COL13A1: variants seen among roughly 807,000 people sequenced by gnomAD.
The protein encoded by COL13A1 is collagen type XIII alpha 1 chain.
A neutral mutation model predicts 130.9 loss-of-function variants in COL13A1; 89 were observed. The observed-to-expected ratio is 0.68, with a 90% CI of 0.57 to 0.81. COL13A1 has a LOEUF of 0.81. Among genes scored for constraint, COL13A1 ranks in the 30% least tolerant of loss-of-function variants. The pLI is 0.00. For synonymous variants in COL13A1, 402 were observed against 341.6 expected (o/e 1.18, Z -1.95); for missense variants, 879 against 934.6 (o/e 0.94, Z 0.78).
intron 1 of COL13A1, among the ~76,000 whole-genome samples, chr10:69,819,345 C>G (rs954053755): frequency 6.6e-5 from 10 of 152,190 alleles, no homozygotes; most frequent in Middle Eastern, 3.2e-3. Context: ...CCCAAGGGAA[C>G]AGTCTCCAAA....
At chr10:69,892,504 G>T (rs1003249011) in intron 10 of COL13A1, among the ~76,000 whole-genome samples, 1 of 152,194 alleles carries the variant, frequency 6.6e-6, no homozygotes, top group African/African-American at 2.4e-5. Context: ...TGACATAAGG[G>T]CTGTAAAGCA....
intron 2 of COL13A1, among the ~76,000 whole-genome samples, chr10:69,824,984 C>A (rs1343451829): frequency 6.6e-6 from 1 of 152,184 alleles, no homozygotes; most frequent in Non-Finnish European, 1.5e-5. Flanking sequence ...TGGGCTGGGT[C>A]CTGCTGGGTC....
intron 19 of COL13A1, 135 bp downstream of exon 19, chr10:69,918,452 T>C: frequency 1.2e-6 from 1 of 837,950 alleles, no homozygotes; most frequent in African/African-American, 1.7e-5. Flanking sequence ...AACATTTTTC[T>C]CAAAGTAACA....
intron 2 of COL13A1, among the ~76,000 whole-genome samples, chr10:69,843,644 C>T (rs1852208076): frequency 6.6e-6 from 1 of 152,110 alleles, no homozygotes; most frequent in South Asian, 2.1e-4. Context: ...AATGAGAAGG[C>T]TTGTTCTATG....
intron 7 of COL13A1, among the ~76,000 whole-genome samples, chr10:69,881,540 G>A (rs1159931488): frequency 1.3e-5 from 2 of 152,214 alleles, no homozygotes; most frequent in African/African-American, 2.4e-5. Context: ...ACAGCCAAGC[G>A]AGGGGTTGTG....
intron 23 of COL13A1, among the ~76,000 whole-genome samples, chr10:69,923,075 G>A (rs1385753983): frequency 6.6e-6 from 1 of 152,188 alleles, no homozygotes; most frequent in African/African-American, 2.4e-5. Context: ...GGGCGCAATG[G>A]CTGCAGGACC....
chr10:69,925,643 T>C (rs750065219), intron 25 of COL13A1, among the ~76,000 whole-genome samples, 161 bp from the exon 26 acceptor site: 2 of 152,242 alleles, frequency 1.3e-5, no homozygotes, highest in Non-Finnish European at 2.9e-5. Context: ...TCCCCGAGCA[T>C]CCTCTGAGAG....
chr10:69,867,959 G>A (rs986819526), intron 3 of COL13A1, among the ~76,000 whole-genome samples, 154 bp downstream of exon 3: 2 of 152,106 alleles, frequency 1.3e-5, no homozygotes, highest in African/African-American at 4.8e-5. Context: ...TGCCTCTTGT[G>A]GGGAGGAGGC....
intron 18 of COL13A1, 101 bp from the exon 19 acceptor site, chr10:69,918,184 C>T: frequency 1.9e-6 from 2 of 1,064,950 alleles, no homozygotes; most frequent in Non-Finnish European, 1.4e-6. Flanking sequence ...GAGCGGTCCT[C>T]CTTCTCATCA....
intron 13 of COL13A1, among the ~76,000 whole-genome samples, chr10:69,896,201 G>A (rs1463756250): frequency 6.6e-6 from 1 of 152,108 alleles, no homozygotes; most frequent in Non-Finnish European, 1.5e-5. Flanking sequence ...GGCTGAGATG[G>A]TTCCTCTGCC....
Position 69,958,722 on chromosome 10 carries a change from C to T in COL13A1, c.*21C>T. 1.2e-6 allele frequency: 2 copies of T among 1,613,662 alleles called. No individual in the cohort carries two copies. Among genetic ancestry groups the T allele is most frequent in the South Asian group, 2.2e-5 (2 of 91,046 alleles). Reference sequence around the variant, plus strand: ...AGTGATGCCTCTAACCTTGGATTGGCCTGTGTGTGTGTTTGTACATAGAAT... The same window carrying T: ...AGTGATGCCTCTAACCTTGGATTGGTCTGTGTGTGTGTTTGTACATAGAAT... On this transcript the variant is annotated 3_prime_UTR_variant, in exon 41 of 41. Coordinates refer to ENST00000645393, the MANE Select transcript of COL13A1 (RefSeq NM_001368882.1).
chr10:69,885,679 T>C (rs545740468), intron 7 of COL13A1, among the ~76,000 whole-genome samples: 15 of 152,342 alleles, frequency 9.8e-5, no homozygotes, highest in South Asian at 4.1e-4. Flanking sequence ...TTTCTTGGAA[T>C]CCTCTCCTCC....
At chr10:69,819,631 G>A (rs768459728) in intron 1 of COL13A1, among the ~76,000 whole-genome samples, 23 of 152,218 alleles carry the variant, frequency 1.5e-4, no homozygotes, top group South Asian at 6.2e-4. Flanking sequence ...CTGCTTCCTT[G>A]AGCTGAGAGC....
chr10:69,927,731 T>C (rs528608562), intron 27 of COL13A1, among the ~76,000 whole-genome samples: 1 of 152,336 alleles, frequency 6.6e-6, no homozygotes, highest in East Asian at 1.9e-4. Flanking sequence ...TATTTTTTCA[T>C]GGCTGTGAGC....
At chr10:69,920,488 T>G (rs559542994) in intron 21 of COL13A1, among the ~76,000 whole-genome samples, 1 of 152,176 alleles carries the variant, frequency 6.6e-6, no homozygotes, top group Non-Finnish European at 1.5e-5. Flanking sequence ...TGTATTTAGA[T>G]AGGGCCTTGG....
chr10:69,858,369 C>G (rs961316525), intron 2 of COL13A1, among the ~76,000 whole-genome samples: 1 of 152,148 alleles, frequency 6.6e-6, no homozygotes, highest in Non-Finnish European at 1.5e-5. Context: ...ACTCTTATTA[C>G]CCCCATTTTA....
intron 17 of COL13A1, 29 bp downstream of exon 17, chr10:69,905,851 G>A: frequency 6.2e-7 from 1 of 1,612,408 alleles, no homozygotes; most frequent in Admixed American, 1.7e-5. Context: ...ACCCAAGTGG[G>A]GCAGGACTTT....
intron 1 of COL13A1, among the ~76,000 whole-genome samples, chr10:69,807,667 GCA>G (rs1841943488): frequency 6.6e-6 from 1 of 152,194 alleles, no homozygotes; most frequent in Admixed American, 6.5e-5. Flanking sequence ...GGTAACCTGT[GCA>G]CAGTGTCCTG....
At chr10:69,920,497 G>C (rs533150247) in intron 21 of COL13A1, among the ~76,000 whole-genome samples, 2 of 152,294 alleles carry the variant, frequency 1.3e-5, no homozygotes, top group East Asian at 3.9e-4. Context: ...ATAGGGCCTT[G>C]GGGAGGTCAT....
Sources: gnomAD v4.1 joint callset for allele counts (sites outside exome capture counted in the v4.1 genomes callset) on GRCh38, gnomAD v4.1.1 for gene constraint, MANE v1.5 for transcripts, NCBI Gene and HGNC (gene_info 2026-07-23, HGNC 2026-07-21) for gene names.